TACC2: variants seen among roughly 807,000 people sequenced by gnomAD.
TACC2 encodes the protein transforming acidic coiled-coil-containing protein 2.
In TACC2, 137 loss-of-function variants were observed where a neutral mutation model predicts 227.3. That is an observed-to-expected ratio of 0.60 (90% confidence interval 0.52 to 0.69). The LOEUF is 0.69. Ranked by LOEUF, TACC2 falls within the 30% of genes least tolerant of loss-of-function variation. The pLI, the probability that TACC2 is intolerant of heterozygous loss-of-function variation, is 0.00. For synonymous variants in TACC2, 1,523 were observed against 1,487.5 expected (o/e 1.02, Z -0.55); for missense variants, 3,470 against 3,694.4 (o/e 0.94, Z 1.57).
rs183139581 is a variant in TACC2 at position 122,139,106 on chromosome 10, G to T, written c.5700-4466G>T. On this transcript the variant is annotated intron_variant, in intron 6 of 22. Transcript: ENST00000369005. Reference sequence around the variant, plus strand: ...ACCAAAGCCTCGCCTATGGTTTTGGGATGGTGTTTATCACTTTTCCCTTGG... The same window carrying T: ...ACCAAAGCCTCGCCTATGGTTTTGGTATGGTGTTTATCACTTTTCCCTTGG... Among the ~76,000 whole-genome samples, 19 of 152,330 alleles carry T rather than the reference G, an allele frequency of 1.2e-4. No individual in the cohort carries two copies. In the East Asian group the frequency reaches 3.5e-3, roughly 28 times the overall value.
In TACC2 at chr10:122,085,757, A is replaced by C; in HGVS notation, c.3257A>C (p.Gln1086Pro). The C allele has an allele frequency of 1.9e-6, 3 of 1,613,896 alleles. No homozygotes were observed. The highest frequency in any genetic ancestry group is 2.5e-6 in the Non-Finnish European group (3 of 1,179,994). The stretch of plus-strand genomic sequence containing the variant: ...GAGACAGAGGCATGTGATGAAACCC[A>C]GGAAGGCAGGCAGCAACCAGTGCCG... Reference protein sequence around the residue: ...APETEACDETQEGRQQPVPAP... With the variant: ...APETEACDETPEGRQQPVPAP... Residue 1086 changes from glutamine (Q) to proline (P), a missense_variant, in exon 4 of 23, where the codon CAG becomes CCG. Gln to Pro is a moderately conservative substitution (Grantham distance 76). Transcript: ENST00000369005.
intron 8 of TACC2, among the ~76,000 whole-genome samples, chr10:122,206,324 C>T (rs1000112629): frequency 6.6e-6 from 1 of 152,250 alleles, no homozygotes; most frequent in Non-Finnish European, 1.5e-5. Context: ...AGCACTGGTG[C>T]TATGGCCTGA....
At chr10:122,053,295 G>A (rs140656041) in intron 3 of TACC2, among the ~76,000 whole-genome samples, 6,297 of 152,098 alleles carry the variant, frequency 0.041, 407 homozygotes, top group African/African-American at 0.14. Context: ...GGAAACTCCC[G>A]TTTTTAAAAC....
intron 22 of TACC2, among the ~76,000 whole-genome samples, chr10:122,251,885 G>A (rs1173195842): frequency 6.6e-6 from 1 of 152,200 alleles, no homozygotes; most frequent in Non-Finnish European, 1.5e-5. Context: ...ACTTCCAGAG[G>A]AATGAACAAA....
intron 18 of TACC2, among the ~76,000 whole-genome samples, chr10:122,239,977 CA>C (rs1178795660): frequency 6.6e-6 from 1 of 152,194 alleles, no homozygotes; most frequent in Non-Finnish European, 1.5e-5. Context: ...GGATTATGAA[CA>C]AAGGCTGCGG....
rs1338881256 is a variant in TACC2, at chr10:122,150,509, C to T, written c.5834+6803C>T. 6.6e-6 allele frequency among the ~76,000 whole-genome samples: 1 copy of T among 152,160 alleles called. No individual in the cohort carries two copies. The highest frequency in any genetic ancestry group is 1.5e-5 in the Non-Finnish European group (1 of 68,032). Reference sequence around the variant, plus strand: ...GCCCTGCGGGAGGCTGCGTTCCTTCCAAGCCAAATGCGTGCTCTCCAGCCC... The same window carrying T: ...GCCCTGCGGGAGGCTGCGTTCCTTCTAAGCCAAATGCGTGCTCTCCAGCCC... On this transcript the variant is annotated intron_variant, in intron 7 of 22. Coordinates refer to ENST00000369005, the MANE Select transcript of TACC2 (RefSeq NM_206862.4). The surrounding 1 kb of genome is among the most constrained non-coding windows in gnomAD (Gnocchi z 4.0).
intron 7 of TACC2, among the ~76,000 whole-genome samples, chr10:122,168,050 CTT>C (rs57366476): frequency 2.3e-5 from 3 of 131,768 alleles, no homozygotes; most frequent in Middle Eastern, 3.9e-3. Context: ...CCATGCCCAG[CTT>C]TTTTTTTTTT....
chr10:122,009,535 A>G (rs1565057632), intron 1 of TACC2, among the ~76,000 whole-genome samples: 2 of 152,128 alleles, frequency 1.3e-5, no homozygotes, highest in South Asian at 4.1e-4. Context: ...AATCTGATTA[A>G]GGTGTTCTTC....
At chr10:122,013,555 C>G (rs928461174) in intron 1 of TACC2, among the ~76,000 whole-genome samples, 2 of 152,174 alleles carry the variant, frequency 1.3e-5, no homozygotes, top group Admixed American at 1.3e-4. Flanking sequence ...CTGTGAATAG[C>G]AATGGGCTTA....
At position 122,210,474 on chromosome 10, in the gene TACC2, T is replaced by G; in HGVS notation, c.6049T>G (p.Ser2017Ala). Residue 2017 changes from serine (S) to alanine (A), a missense_variant, in exon 9 of 23, where the codon TCA (serine) becomes GCA (alanine). By Grantham distance (99) the Ser-to-Ala change is moderately conservative (BLOSUM62 1). Transcript: ENST00000369005. This position sits in a 1 kb window ranked among gnomAD's most constrained non-coding sequence, Gnocchi z 4.6. ...GGAAGGAAGTCCCTTCCGTCCCCCG[T>G]CACACTCCTTCTCTGCCGTCTTCGA... ...SVEGSPFRPP[S>A]HSFSAVFDED... 1 of 1,613,936 alleles carries G rather than the reference T, an allele frequency of 6.2e-7. No individual in the cohort carries two copies. The highest frequency in any genetic ancestry group is 8.5e-7 in the Non-Finnish European group (1 of 1,179,966).
chr10:122,159,178 T>C (rs1449806781), intron 7 of TACC2, among the ~76,000 whole-genome samples: 1 of 152,176 alleles, frequency 6.6e-6, no homozygotes, highest in Non-Finnish European at 1.5e-5. Context: ...TCCTCAGCAG[T>C]GAGGCCACGG....
chr10:122,096,618 C>G (rs2081455422), intron 5 of TACC2, among the ~76,000 whole-genome samples: 1 of 151,728 alleles, frequency 6.6e-6, no homozygotes, highest in South Asian at 2.1e-4. Flanking sequence ...ATCACCTGAA[C>G]CCAGGAGGCA....
chr10:122,153,352 G>T (rs1344399475), intron 7 of TACC2, among the ~76,000 whole-genome samples: 1 of 152,156 alleles, frequency 6.6e-6, no homozygotes, highest in East Asian at 1.9e-4. Flanking sequence ...TTTTTGTTGT[G>T]CCCATTTTAT....
intron 3 of TACC2, among the ~76,000 whole-genome samples, chr10:122,079,736 G>A (rs1415254481): frequency 6.6e-6 from 1 of 152,210 alleles, no homozygotes; most frequent in Non-Finnish European, 1.5e-5. Flanking sequence ...TAAGAAGATT[G>A]TGTCCAGTGG....
At chr10:122,033,014 C>T (rs901340374) in intron 2 of TACC2, 6 of 784,966 alleles carry the variant, frequency 7.6e-6, no homozygotes, top group African/African-American at 5.3e-5. Context: ...ACAAAAAAAC[C>T]CCACAAAAAC....
At chr10:122,002,551 T>C (rs1257330984) in intron 1 of TACC2, among the ~76,000 whole-genome samples, 1 of 152,184 alleles carries the variant, frequency 6.6e-6, no homozygotes, top group African/African-American at 2.4e-5. Context: ...TAGAGCACGC[T>C]GGGACTATCT....
At chr10:122,155,150 C>G (rs1408006305) in intron 7 of TACC2, among the ~76,000 whole-genome samples, 4 of 152,200 alleles carry the variant, frequency 2.6e-5, no homozygotes, top group Non-Finnish European at 4.4e-5. Flanking sequence ...GCTTTCGTCT[C>G]GGAAGCATCT....
chr10:122,216,870 G>A (rs1232820202), intron 11 of TACC2, 42 bp downstream of exon 11: 1 of 1,614,086 alleles, frequency 6.2e-7, no homozygotes, highest in Non-Finnish European at 8.5e-7. Flanking sequence ...CTCTGCCTCG[G>A]AGAATCCTGC....
At chr10:122,106,907 G>T (rs2082869027) in intron 5 of TACC2, among the ~76,000 whole-genome samples, 1 of 152,226 alleles carries the variant, frequency 6.6e-6, no homozygotes, top group African/African-American at 2.4e-5. Context: ...TGTGTGGCCA[G>T]ATGCTCCCCT....
Sources: gnomAD v4.1 joint callset for allele counts (sites outside exome capture counted in the v4.1 genomes callset) on GRCh38, gnomAD v4.1.1 for gene constraint, Gnocchi (gnomAD v3.1) non-coding constraint, MANE v1.5 for transcripts, NCBI Gene and HGNC (gene_info 2026-07-23, HGNC 2026-07-21) for gene names.